The following PRAG1 variants were observed in gnomAD, a reference collection of about 807,000 sequenced individuals.
PRAG1 encodes the protein PEAK1 related, kinase-activating pseudokinase 1.
Under a neutral mutation model 95.6 loss-of-function variants are expected in PRAG1, and 110 were observed. The observed-to-expected ratio is 1.15, with a 90% CI of 0.99 to 1.35. The LOEUF is 1.35. Among genes scored for constraint, PRAG1 ranks in the 40% most tolerant of loss-of-function variants. PRAG1 has a pLI of 0.00. For missense variants in PRAG1, 2,554 were observed against 1,864.7 expected, an observed-to-expected ratio of 1.37 and a Z score of -6.81; for synonymous variants, 1,052 against 819.4, an observed-to-expected ratio of 1.28 and a Z score of -4.85.
In PRAG1 at chr8:8,383,472, T is replaced by G. The variant is rs369773213; in HGVS notation, c.-87-1638A>C. Among the ~76,000 whole-genome samples, 14 of 151,994 alleles carry G rather than the reference T, an allele frequency of 9.2e-5. 1 individual carries two copies. The East Asian group carries it at 1.9e-3, about 21-fold the overall frequency. ...CATGCATGCCTGTGGTCCCAGCTAC[T>G]TGGGAGGCTGAGGTAGGAGGACTGC... On this transcript the variant is annotated intron_variant, in intron 1 of 5. Transcript: ENST00000615670.
intron 2 of PRAG1, 68 bp downstream of exon 2, chr8:8,381,346 TGCCA>T: frequency 6.8e-7 from 1 of 1,476,008 alleles, no homozygotes; most frequent in Non-Finnish European, 9.2e-7. Flanking sequence ...CCTCCCTGGC[TGCCA>T]GCCAGTCACC....
Position 8,328,355 on chromosome 8 carries a change from G to A in PRAG1, c.2427C>T (p.Pro809=). Residue 809 remains proline (P), a synonymous_variant, in exon 5 of 6, where the codon CCC becomes CCT. Coordinates refer to ENST00000615670, the MANE Select transcript of PRAG1 (RefSeq NM_001080826.3). ...GSTEDVSPSG[P]QQPPPLPQKK... ...TCTGGGGGAGTGGAGGGGGCTGCTG[G>A]GGGCCACTGGGGGACACGTCCTCAG... 2 of 1,613,570 alleles carry A rather than the reference G, an allele frequency of 1.2e-6. No individual in the cohort carries two copies. The highest frequency in any genetic ancestry group is 1.7e-6 in the Non-Finnish European group (2 of 1,179,864).
At position 8,328,062 on chromosome 8, in the gene PRAG1, C is replaced by A. The variant is rs1038446642; in HGVS notation, c.2720G>T (p.Ser907Ile). 8.1e-6 allele frequency: 13 copies of A among 1,596,670 alleles called. No individual in the cohort carries two copies. The highest frequency in any genetic ancestry group is 5.1e-5 in the Admixed American group (3 of 58,870). The change falls in exon 5 of 6, where the codon AGC (serine) becomes ATC (isoleucine). Residue 907 changes from serine to isoleucine, a missense_variant. Coordinates refer to ENST00000615670, the MANE Select transcript of PRAG1 (RefSeq NM_001080826.3). ...GLAGNRGGCG[S>I]PGLQCKGAPS... is the part of the protein sequence containing the mutation. ...GGCCCCTTTGCACTGGAGGCCAGGG[C>A]TCCCGCAGCCGCCTCTGTTGCCCGC...
intron 4 of PRAG1, among the ~76,000 whole-genome samples, chr8:8,335,956 C>G (rs1798970713): frequency 6.6e-6 from 1 of 152,094 alleles, no homozygotes; most frequent in African/African-American, 2.4e-5. Context: ...TAAAAATTTG[C>G]CAGTAGTAGT....
intron 3 of PRAG1, among the ~76,000 whole-genome samples, chr8:8,365,213 A>G (rs979515109): frequency 5.9e-5 from 9 of 152,224 alleles, no homozygotes; most frequent in Non-Finnish European, 1.2e-4. Flanking sequence ...TTTTGTTTTC[A>G]TCTTCCCAAT....
chr8:8,377,105 T>C lies in PRAG1; in HGVS notation c.1304A>G (p.His435Arg), dbSNP rs749374614. 1.2e-6 allele frequency: 2 copies of C among 1,613,358 alleles called. No homozygotes were observed. The highest frequency in any genetic ancestry group is 2.7e-5 in the African/African-American group (2 of 74,920). The change falls in exon 3 of 6, where the codon CAT (histidine) becomes CGT (arginine). Residue 435 changes from histidine to arginine, a missense_variant. His to Arg is a conservative substitution (Grantham distance 29). Coordinates refer to ENST00000615670, the MANE Select transcript of PRAG1 (RefSeq NM_001080826.3). Reference protein sequence around the residue: ...VPSKSQAKIEHAAAAQGQGQV... With the variant: ...VPSKSQAKIERAAAAQGQGQV... ...GCCTTGGCCCTGGGCAGCAGCTGCA[T>C]GTTCTATCTTGGCCTGTGACTTGGA...
At chr8:8,373,862 A>G (rs1047632231) in intron 3 of PRAG1, among the ~76,000 whole-genome samples, 2 of 152,196 alleles carry the variant, frequency 1.3e-5, no homozygotes, top group African/African-American at 4.8e-5. Context: ...TAAGGGTTTT[A>G]TCATAACAAA....
At chr8:8,329,281 G>C (rs1473324154) in intron 4 of PRAG1, among the ~76,000 whole-genome samples, 2 of 151,878 alleles carry the variant, frequency 1.3e-5, no homozygotes, top group African/African-American at 2.4e-5. Flanking sequence ...TAATCCCAGC[G>C]ACTAAGGAGT....
intron 4 of PRAG1, among the ~76,000 whole-genome samples, chr8:8,334,387 G>C (rs141336906): frequency 4.9e-4 from 74 of 150,758 alleles, no homozygotes; most frequent in Middle Eastern, 3.4e-3. Flanking sequence ...AATGAGCTGA[G>C]ACTGCACCAC....
intron 3 of PRAG1, among the ~76,000 whole-genome samples, chr8:8,360,018 A>C (rs960911813): frequency 6.6e-6 from 1 of 152,152 alleles, no homozygotes; most frequent in Non-Finnish European, 1.5e-5. Flanking sequence ...GAACGAGCTA[A>C]ATCAGCTGGA....
chr8:8,381,303 G>A, intron 2 of PRAG1, 115 bp downstream of exon 2: 1 of 1,006,534 alleles, frequency 9.9e-7, no homozygotes, highest in Non-Finnish European at 1.4e-6. Context: ...AAACTGACAG[G>A]AAGCTATCCT....
intron 5 of PRAG1, among the ~76,000 whole-genome samples, chr8:8,324,584 A>G (rs996768966): frequency 2.6e-5 from 4 of 152,084 alleles, no homozygotes; most frequent in Non-Finnish European, 5.9e-5. Flanking sequence ...CCTGCCCCCA[A>G]CCAACCTCAT....
rs565173554 is a variant in PRAG1, at chr8:8,323,357, T to C, written c.3073-4055A>G. Among the ~76,000 whole-genome samples the C allele has an allele frequency of 1.6e-4, 25 of 151,618 alleles. No homozygotes were observed. The South Asian group carries it at 5.3e-3, about 32-fold the overall frequency. On this transcript the variant is annotated intron_variant, in intron 5 of 5. Transcript: ENST00000615670. ...TTTTTGAGATAGAGTCTTGCTCTGT[T>C]GCCCAGGCTGGAGTGCAGTGGCGCA...
chr8:8,380,560 G>C (rs1800598551), intron 2 of PRAG1, among the ~76,000 whole-genome samples: 2 of 150,480 alleles, frequency 1.3e-5, no homozygotes, highest in Non-Finnish European at 3.0e-5. Flanking sequence ...GATCCAGCCT[G>C]AGTGACAGAA....
Position 8,318,241 on chromosome 8 carries a change from C to CGA in PRAG1, c.4133_4134insTC (p.Glu1378AspfsTer24). ...ACTGGCAGCAAAGCCAGTCCTCCAG[C>CGA]TCCACGCCCCGCCTGCGATCCACCG... On this transcript the variant is annotated frameshift_variant, in exon 6 of 6. Coordinates refer to ENST00000615670, the MANE Select transcript of PRAG1 (RefSeq NM_001080826.3). LOFTEE classifies it high-confidence loss of function. This position sits in a 1 kb window ranked among gnomAD's most constrained non-coding sequence, Gnocchi z 4.2. 1 of 1,614,198 alleles carries CGA rather than the reference C, an allele frequency of 6.2e-7. No individual in the cohort carries two copies. Among genetic ancestry groups the CGA allele is most frequent in the Non-Finnish European group, 8.5e-7 (1 of 1,180,024 alleles).
At position 8,384,313 on chromosome 8, in the gene PRAG1, A is replaced by G. The variant is rs190307464; in HGVS notation, c.-88+2008T>C. Among the ~76,000 whole-genome samples, 15 of 148,428 alleles carry G rather than the reference A, an allele frequency of 1.0e-4. No individual in the cohort carries two copies. The East Asian group carries it at 2.9e-3, about 29-fold the overall frequency. On this transcript the variant is annotated intron_variant, in intron 1 of 5. Transcript: ENST00000615670. ...CCAACCTTTGCACAGCCCTGTGCAA[A>G]GGGAGTGTGGAAGGATCTGGATTGC...
chr8:8,324,228 G>A (rs1382290579), intron 5 of PRAG1, among the ~76,000 whole-genome samples: 1 of 152,204 alleles, frequency 6.6e-6, no homozygotes, highest in Non-Finnish European at 1.5e-5. Context: ...GGCCTGGGAA[G>A]AGTTTCCAAG....
Position 8,377,788 on chromosome 8 carries a change from G to A in PRAG1, c.621C>T (p.Phe207=). ...CAGCAAAGGCAGCCAGTTTCTGGCG[G>A]AAGCTCTCCTGGGTGGAGGGCCGGT... ...YQDRPSTQES[F]RQKLAAFAGT... The change falls in exon 3 of 6, where the codon TTC becomes TTT. Residue 207 remains phenylalanine (F), a synonymous_variant. Coordinates refer to ENST00000615670, the MANE Select transcript of PRAG1 (RefSeq NM_001080826.3). 1 of 1,614,162 alleles carries A rather than the reference G, an allele frequency of 6.2e-7. No individual in the cohort carries two copies. The highest frequency in any genetic ancestry group is 8.5e-7 in the Non-Finnish European group (1 of 1,180,042).
At chr8:8,357,553 CAT>C (rs1042285214) in intron 3 of PRAG1, among the ~76,000 whole-genome samples, 7 of 152,282 alleles carry the variant, frequency 4.6e-5, no homozygotes, top group East Asian at 3.9e-4. Context: ...TTTGAAGACA[CAT>C]GTGGAGAAAT....
Sources: gnomAD v4.1 joint callset for allele counts (sites outside exome capture counted in the v4.1 genomes callset) on GRCh38, gnomAD v4.1.1 for gene constraint, Gnocchi (gnomAD v3.1) non-coding constraint, MANE v1.5 for transcripts, NCBI Gene and HGNC (gene_info 2026-07-23, HGNC 2026-07-21) for gene names.